Variants in PKHD1L1 observed in about 807,000 individuals in gnomAD.
PKHD1L1 encodes the protein fibrocystin-L.
In PKHD1L1, 434 loss-of-function variants were observed where a neutral mutation model predicts 462.9. The observed-to-expected ratio is 0.94, with a 90% confidence interval of 0.87 to 1.02. The LOEUF is 1.02. Among genes scored for constraint, PKHD1L1 ranks in the 50% least tolerant of loss-of-function variants. PKHD1L1 has a pLI of 0.00. For synonymous variants in PKHD1L1, 1,781 were observed against 1,750.0 expected (o/e 1.02, Z -0.44); for missense variants, 5,202 against 5,096.1 (o/e 1.02, Z -0.63).
At chr8:109,417,358 T>C (rs1218822127) in intron 21 of PKHD1L1, among the ~76,000 whole-genome samples, 1 of 152,056 alleles carries the variant, frequency 6.6e-6, no homozygotes, top group East Asian at 1.9e-4. Flanking sequence ...AACTAAAAAT[T>C]TTTTAAAAAT....
chr8:109,481,466 C>A lies in PKHD1L1; in HGVS notation c.9361C>A (p.Pro3121Thr). Residue 3121 changes from proline (P) to threonine (T), a missense_variant, in exon 56 of 78, where the codon CCT becomes ACT. Physicochemically the swap from Pro to Thr is conservative, Grantham distance 38 (BLOSUM62 -1). Transcript: ENST00000378402. Reference sequence around the variant, plus strand: ...ATTAATCGGTGGCTGGGAAGATAACCCTTTTAAAGGAGACTTAAAGATTGT... The same window carrying A: ...ATTAATCGGTGGCTGGGAAGATAACACTTTTAAAGGAGACTTAAAGATTGT... ...GRLIGGWEDNPFKGDLKIVLR... is the reference protein window; with the variant it reads ...GRLIGGWEDNTFKGDLKIVLR... 1 of 1,599,200 alleles carries A rather than the reference C, an allele frequency of 6.3e-7. No homozygotes were observed. The highest frequency in any genetic ancestry group is 1.1e-5 in the South Asian group (1 of 88,642).
At position 109,445,217 on chromosome 8, in the gene PKHD1L1, T is replaced by G; in HGVS notation, c.5348T>G (p.Ile1783Ser). Residue 1783 changes from isoleucine to serine, a missense_variant, in exon 38 of 78, where the codon ATT (isoleucine) becomes AGT (serine). Around this residue, in one of 3 missense-constraint regions of PKHD1L1, gnomAD observed 4,497 missense variants for 4,336.8 expected, o/e 1.04. Coordinates refer to ENST00000378402, the MANE Select transcript of PKHD1L1 (RefSeq NM_177531.6). The stretch of plus-strand genomic sequence containing the variant: ...GTTTTGGAGGACATTGCTGTTTTCA[T>G]TGGAAATCAACAGTTCAGAGCAATA... Reference protein sequence around the residue: ...GTVLEDIAVFIGNQQFRAIEV... With the variant: ...GTVLEDIAVFSGNQQFRAIEV... 1 of 1,614,018 alleles carries G rather than the reference T, an allele frequency of 6.2e-7. No homozygotes were observed. The highest frequency in any genetic ancestry group is 8.5e-7 in the Non-Finnish European group (1 of 1,179,884).
intron 77 of PKHD1L1, among the ~76,000 whole-genome samples, chr8:109,529,145 G>A (rs988950250): frequency 6.6e-6 from 1 of 152,164 alleles, no homozygotes; most frequent in African/African-American, 2.4e-5. Context: ...GTCTGGAAGT[G>A]ACAAAACAAA....
Position 109,522,262 on chromosome 8 carries a change from T to C in PKHD1L1, c.12108T>C (p.Ser4036=). 1 of 1,603,452 alleles carries C rather than the reference T, an allele frequency of 6.2e-7. No homozygotes were observed. Among genetic ancestry groups the C allele is most frequent in the Middle Eastern group, 1.7e-4 (1 of 6,036 alleles). The change falls in exon 74 of 78, where the codon AGT becomes AGC. Residue 4036 remains serine (S), a synonymous_variant. Transcript: ENST00000378402. Reference sequence around the variant, plus strand: ...CTGTAATTTTAGGAAACATCAGTAGTATCCTTGGATTTAACATTTCGTCCA... The same window carrying C: ...CTGTAATTTTAGGAAACATCAGTAGCATCCTTGGATTTAACATTTCGTCCA... The part of the protein sequence containing the change: ...GQAVILGNIS[S]ILGFNISSMS...
At position 109,518,209 on chromosome 8, in the gene PKHD1L1, A is replaced by T; in HGVS notation, c.11732A>T (p.Asn3911Ile). The change falls in exon 73 of 78, where the codon AAC becomes ATC. Residue 3911 changes from asparagine to isoleucine, a missense_variant. Around this residue, in one of 3 missense-constraint regions of PKHD1L1, gnomAD observed 698 missense variants for 736.3 expected, o/e 0.95. Transcript: ENST00000378402. Reference sequence around the variant, plus strand: ...CTGGATTCCACTGTCCTTGGTGAAAACTACTTTGATGGAACCTACCAGATG... The same window carrying T: ...CTGGATTCCACTGTCCTTGGTGAAATCTACTTTGATGGAACCTACCAGATG... The part of the protein sequence containing the change: ...PNLDSTVLGE[N>I]YFDGTYQMLY... The T allele has an allele frequency of 6.2e-7, 1 of 1,608,880 alleles. No individual in the cohort carries two copies. Among genetic ancestry groups the T allele is most frequent in the Non-Finnish European group, 8.5e-7 (1 of 1,175,942 alleles).
intron 20 of PKHD1L1, 135 bp downstream of exon 20, chr8:109,412,549 A>C: frequency 1.1e-6 from 1 of 886,130 alleles, no homozygotes; most frequent in Non-Finnish European, 1.6e-6. Context: ...CGAAGTGTAC[A>C]TTCTGGGTGC....
Position 109,444,990 on chromosome 8 carries a change from T to C in PKHD1L1, c.5121T>C (p.Tyr1707=), listed in dbSNP as rs765115402. Residue 1707 remains tyrosine, a synonymous_variant, in exon 38 of 78, where the codon TAT becomes TAC. Coordinates refer to ENST00000378402, the MANE Select transcript of PKHD1L1 (RefSeq NM_177531.6). ...CATGTAAAGTTCTATCAGTGAATTA[T>C]ACGGCCATTGAATGTGAAACATCCC... ...HFPCKVLSVN[Y]TAIECETSPA... The C allele has an allele frequency of 1.2e-6, 2 of 1,614,028 alleles. No individual in the cohort carries two copies. Among genetic ancestry groups the C allele is most frequent in the Admixed American group, 1.7e-5 (1 of 60,020 alleles).
chr8:109,440,885 AT>A (rs745947333), intron 33 of PKHD1L1, 33 bp downstream of exon 33: 161 of 1,598,978 alleles, frequency 1.0e-4, no homozygotes, highest in Non-Finnish European at 1.3e-4. Context: ...AGTGATTATC[AT>A]TTTTCTCAGC....
In PKHD1L1 at chr8:109,406,393, G is replaced by C; in HGVS notation, c.1728G>C (p.Trp576Cys). The C allele has an allele frequency of 6.4e-7, 1 of 1,574,134 alleles. No homozygotes were observed. Residue 576 changes from tryptophan to cysteine, a missense_variant, in exon 17 of 78, where the codon TGG becomes TGC. Physicochemically the swap from Trp to Cys is radical, Grantham distance 215 (BLOSUM62 -2). This residue lies in a region of PKHD1L1 where 4,497 missense variants were observed against 4,336.8 expected (regional missense o/e 1.04). Transcript: ENST00000378402. ...TGCAATCAGCCTTGAATGACCTCTGGTCTATAAAACCGGACACAGTTCAAG... is the reference window on the plus strand; with the variant it reads ...TGCAATCAGCCTTGAATGACCTCTGCTCTATAAAACCGGACACAGTTCAAG... ...FILQSALNDL[W>C]SIKPDTVQVI...
chr8:109,507,649 A>G lies in PKHD1L1; in HGVS notation c.10995-14A>G, dbSNP rs768104300. ...TAGAAACAATGAACTGAATAATTCA[A>G]CTTTTCTCCACAGTAAGGTCAATCC... is the stretch of plus-strand genomic sequence containing the variant. On this transcript the variant is annotated splice_polypyrimidine_tract_variant and intron_variant, in intron 68 of 77. Transcript: ENST00000378402. 1.9e-6 allele frequency: 3 copies of G among 1,597,072 alleles called. No individual in the cohort carries two copies. Among genetic ancestry groups the G allele is most frequent in the Admixed American group, 1.7e-5 (1 of 59,742 alleles).
chr8:109,511,299 C>T (rs1000946188), intron 71 of PKHD1L1, among the ~76,000 whole-genome samples: 18 of 150,730 alleles, frequency 1.2e-4, no homozygotes, highest in African/African-American at 4.4e-4. Context: ...ACCCATTAAC[C>T]CGTCATTTAG....
rs561026261 is a variant in PKHD1L1 at position 109,453,072 on chromosome 8, T to A, written c.6664+198T>A. On this transcript the variant is annotated intron_variant, in intron 43 of 77. Transcript: ENST00000378402. ...ATTTAATGTGTTGCAGCCAGCATTT[T>A]AAAAATTAAATAGGATAGACAGCAT... Among the ~76,000 whole-genome samples, 6 of 152,306 alleles carry A rather than the reference T, an allele frequency of 3.9e-5. No homozygotes were observed. In the East Asian group the frequency reaches 7.7e-4, roughly 20 times the overall value.
Position 109,454,866 on chromosome 8 carries a change from G to T in PKHD1L1, c.6874+14G>T. 6.2e-7 allele frequency: 1 copy of T among 1,604,950 alleles called. No homozygotes were observed. Among genetic ancestry groups the T allele is most frequent in the Non-Finnish European group, 8.5e-7 (1 of 1,175,220 alleles). ...TGGATCTGCACGGTACTGTGGCCAA[G>T]TGGCTAAGGGAGTTGGTAGAGGAAG... On this transcript the variant is annotated intron_variant, in intron 45 of 77. Transcript: ENST00000378402.
chr8:109,481,877 A>G (rs562333379), intron 56 of PKHD1L1, among the ~76,000 whole-genome samples: 35 of 151,904 alleles, frequency 2.3e-4, no homozygotes, highest in Non-Finnish European at 4.0e-4. Context: ...TATTTTTCCA[A>G]TCTGGTTTTC....
Position 109,375,501 on chromosome 8 carries a change from C to T in PKHD1L1, c.164-5869C>T, listed in dbSNP as rs570648337. On this transcript the variant is annotated intron_variant, in intron 2 of 77. Transcript: ENST00000378402. Reference sequence around the variant, plus strand: ...CTTCTGAAGCCTTCTTCTCTCAACTCGTCAAAGTCATTCTCTGTCCAGCTT... The same window carrying T: ...CTTCTGAAGCCTTCTTCTCTCAACTTGTCAAAGTCATTCTCTGTCCAGCTT... Among the ~76,000 whole-genome samples, 18 of 152,298 alleles carry T rather than the reference C, an allele frequency of 1.2e-4. No individual in the cohort carries two copies. The South Asian group carries it at 1.5e-3, about 12-fold the overall frequency.
rs990116389 is a variant in PKHD1L1 at position 109,466,484 on chromosome 8, A to C, written c.8414-94A>C. The C allele has an allele frequency of 4.9e-6, 6 of 1,234,074 alleles. No individual in the cohort carries two copies. In the African/African-American group the frequency reaches 9.2e-5, roughly 19 times the overall value. The allele number at this position is 1,234,074 out of a possible 1,614,324, so 76.4% of individuals were successfully genotyped here. A position where few individuals can be genotyped will look rare whatever the true frequency, so the allele number is the denominator to read the frequency against. ...ACTACCCAGACTTTTAGACTGTATT[A>C]GTGGTACTATGGGTCACAATTCTGT... is the stretch of plus-strand genomic sequence containing the variant. On this transcript the variant is annotated intron_variant, in intron 49 of 77. Coordinates refer to ENST00000378402, the MANE Select transcript of PKHD1L1 (RefSeq NM_177531.6).
chr8:109,526,279 T>C (rs1157288077), intron 76 of PKHD1L1, among the ~76,000 whole-genome samples: 4 of 152,232 alleles, frequency 2.6e-5, no homozygotes, highest in Non-Finnish European at 4.4e-5. Flanking sequence ...TAAAAGTTTT[T>C]TGAATCTTAA....
intron 17 of PKHD1L1, 37 bp from the exon 18 acceptor site, chr8:109,408,012 T>C: frequency 1.3e-6 from 2 of 1,485,808 alleles, no homozygotes; most frequent in Non-Finnish European, 9.0e-7. Flanking sequence ...ATTTTATTAG[T>C]TAATGTCTAC....
intron 14 of PKHD1L1, among the ~76,000 whole-genome samples, 159 bp downstream of exon 14, chr8:109,401,747 T>A (rs953294418): frequency 1.3e-5 from 2 of 152,178 alleles, no homozygotes; most frequent in African/African-American, 4.8e-5. Context: ...CAAATGTGTT[T>A]CTTGATTTTC....
Sources: allele counts gnomAD v4.1 joint callset (sites outside exome capture counted in the v4.1 genomes callset), GRCh38; gene constraint gnomAD v4.1.1; regional missense constraint gnomAD v4.1.1; transcripts MANE v1.5; gene names NCBI Gene and HGNC (gene_info 2026-07-23, HGNC 2026-07-21).